Variants in ZDHHC13 observed in about 807,000 individuals in gnomAD.
The protein encoded by ZDHHC13 is palmitoyltransferase ZDHHC13.
In ZDHHC13, 85 loss-of-function variants were observed where a neutral mutation model predicts 86.0. The ratio of observed to expected loss-of-function variants is 0.99; its 90% CI spans 0.83 to 1.18. The LOEUF is 1.18. Among genes scored for constraint, ZDHHC13 ranks in the 50% most tolerant of loss-of-function variants. The pLI, the probability that ZDHHC13 is intolerant of heterozygous loss-of-function variation, is 0.00. For synonymous variants in ZDHHC13, 263 were observed against 246.4 expected (o/e 1.07, Z -0.63); for missense variants, 711 against 730.2 (o/e 0.97, Z 0.30).
chr11:19,158,152 A>G (rs1242039598), intron 9 of ZDHHC13, among the ~76,000 whole-genome samples: 2 of 152,096 alleles, frequency 1.3e-5, no homozygotes, highest in African/African-American at 2.4e-5. Flanking sequence ...TGAACTTACC[A>G]TTATTATGGT....
chr11:19,157,259 C>T (rs772429347), intron 9 of ZDHHC13, among the ~76,000 whole-genome samples: 3 of 152,184 alleles, frequency 2.0e-5, no homozygotes, highest in Non-Finnish European at 2.9e-5. Flanking sequence ...TGCTGTTAAA[C>T]ATTTTCATTC....
At chr11:19,175,389 CAAAAAAAA>C (rs58806796) in intron 16 of ZDHHC13, among the ~76,000 whole-genome samples, 19 of 56,376 alleles carry the variant, frequency 3.4e-4, no homozygotes, top group South Asian at 1.2e-3. Context: ...GACTCCGTCT[CAAAAAAAA>C]AAAAAAAAAA....
At chr11:19,159,832 T>A (rs955868090) in intron 10 of ZDHHC13, among the ~76,000 whole-genome samples, 1 of 151,916 alleles carries the variant, frequency 6.6e-6, no homozygotes, top group African/African-American at 2.4e-5. Context: ...TCTAACCATT[T>A]GTGACTTCAG....
rs181511948 is a variant in ZDHHC13, at chr11:19,170,621, G to A, written c.1632+53G>A. 147 of 1,445,184 alleles carry A rather than the reference G, an allele frequency of 1.0e-4. No homozygotes were observed. The African/African-American group carries it at 1.6e-3, about 16-fold the overall frequency. 89.5% of individuals were successfully genotyped at this position (1,445,184 alleles called of 1,614,324 possible). A position where few individuals can be genotyped will look rare whatever the true frequency, so the allele number is the denominator to read the frequency against. Reference sequence around the variant, plus strand: ...TTGAGTAAAATTTCTAAAACTTGTAGTGAGACAGCCTTGAATTTAAAATCA... The same window carrying A: ...TTGAGTAAAATTTCTAAAACTTGTAATGAGACAGCCTTGAATTTAAAATCA... On this transcript the variant is annotated intron_variant, in intron 15 of 16. Coordinates refer to ENST00000446113, the MANE Select transcript of ZDHHC13 (RefSeq NM_019028.3).
At chr11:19,166,276 G>C in intron 13 of ZDHHC13, 26 bp from the exon 14 acceptor site, 1 of 1,574,970 alleles carries the variant, frequency 6.3e-7, no homozygotes, top group Non-Finnish European at 8.6e-7. Context: ...AAAATATTAA[G>C]TATGTTTTTT....
chr11:19,152,549 C>G lies in ZDHHC13; in HGVS notation c.748-10C>G, dbSNP rs1427131830. 6.3e-7 allele frequency: 1 copy of G among 1,591,870 alleles called. No homozygotes were observed. The highest frequency in any genetic ancestry group is 2.2e-5 in the East Asian group (1 of 44,628). The stretch of plus-strand genomic sequence containing the variant: ...ATACTTTTAAACTTTTTACCCTACT[C>G]TTTTTTAAGGGAGAAACACCTCTTG... On this transcript the variant is annotated splice_polypyrimidine_tract_variant and intron_variant, in intron 7 of 16. Coordinates refer to ENST00000446113, the MANE Select transcript of ZDHHC13 (RefSeq NM_019028.3).
intron 2 of ZDHHC13, 56 bp downstream of exon 2, chr11:19,143,179 A>G (rs1849371086): frequency 3.9e-6 from 6 of 1,539,298 alleles, no homozygotes; most frequent in Non-Finnish European, 4.4e-6. Flanking sequence ...TAATAGTAAT[A>G]TATGTGTAGT....
At position 19,159,027 on chromosome 11, in the gene ZDHHC13, C is replaced by A; in HGVS notation, c.1095C>A (p.Ile365=). ...TTTGGATATTTATGACTTGGTTCAT[C>A]TTATTTTTTCCTGATATCCTTTAAG... ...SVFWIFMTWF[I]LFFPDLAGAP... The change falls in exon 10 of 17, where the codon ATC becomes ATA. Residue 365 remains isoleucine (I), a synonymous_variant. Coordinates refer to ENST00000446113, the MANE Select transcript of ZDHHC13 (RefSeq NM_019028.3). The A allele has an allele frequency of 6.5e-7, 1 of 1,546,160 alleles. No homozygotes were observed. The highest frequency in any genetic ancestry group is 8.7e-7 in the Non-Finnish European group (1 of 1,144,582).
At chr11:19,145,579 A>C (rs114670251) in intron 2 of ZDHHC13, among the ~76,000 whole-genome samples, 243 of 152,334 alleles carry the variant, frequency 1.6e-3, no homozygotes, top group African/African-American at 5.5e-3. Flanking sequence ...ATGCTTTAGC[A>C]ATGTTAAATT....
In ZDHHC13 at chr11:19,152,246, G is replaced by A; in HGVS notation, c.673G>A (p.Val225Ile). The A allele has an allele frequency of 1.2e-6, 2 of 1,613,424 alleles. No individual in the cohort carries two copies. The highest frequency in any genetic ancestry group is 1.7e-6 in the Non-Finnish European group (2 of 1,179,530). Reference sequence around the variant, plus strand: ...CCAAAACACTCCACTTCACTGGGCAGTTGCAGCAGGAAATGTTAATGCAGT... The same window carrying A: ...CCAAAACACTCCACTTCACTGGGCAATTGCAGCAGGAAATGTTAATGCAGT... ...IHQNTPLHWAVAAGNVNAVDK... is the reference protein window; with the variant it reads ...IHQNTPLHWAIAAGNVNAVDK... Residue 225 changes from valine (V) to isoleucine (I), a missense_variant, in exon 7 of 17, where the codon GTT becomes ATT. By Grantham distance (29) the Val-to-Ile change is conservative. Transcript: ENST00000446113.
chr11:19,147,729 T>C (rs1849502542), intron 4 of ZDHHC13, 56 bp downstream of exon 4: 3 of 1,335,792 alleles, frequency 2.2e-6, no homozygotes, highest in Middle Eastern at 3.7e-4. Context: ...GTGGTCACCA[T>C]ATAAAAAATC....
rs748554255 is a variant in ZDHHC13 at position 19,164,284 on chromosome 11, A to T, written c.1234-17A>T. ...TCCAATAAAATGTGGTAATAGGTCAAACTTCATGTCTTTCAGAATATCATC... is the reference window on the plus strand; with the variant it reads ...TCCAATAAAATGTGGTAATAGGTCATACTTCATGTCTTTCAGAATATCATC... On this transcript the variant is annotated splice_polypyrimidine_tract_variant and intron_variant, in intron 11 of 16. Transcript: ENST00000446113. 1.2e-6 allele frequency: 2 copies of T among 1,612,508 alleles called. No homozygotes were observed. Among genetic ancestry groups the T allele is most frequent in the Admixed American group, 3.3e-5 (2 of 59,882 alleles).
chr11:19,133,140 T>G (rs1849038838), intron 1 of ZDHHC13, among the ~76,000 whole-genome samples: 1 of 152,082 alleles, frequency 6.6e-6, no homozygotes, highest in Admixed American at 6.5e-5. Context: ...GAAATACAAA[T>G]TATTATCACT....
chr11:19,164,415 CGTT>C, intron 12 of ZDHHC13, 52 bp downstream of exon 12: 1 of 1,541,984 alleles, frequency 6.5e-7, no homozygotes, highest in South Asian at 1.1e-5. Context: ...GTCTTGGTAA[CGTT>C]GCTGATGTAA....
chr11:19,166,352 G>C lies in ZDHHC13; in HGVS notation c.1441G>C (p.Val481Leu), dbSNP rs757878716. 1.9e-6 allele frequency: 3 copies of C among 1,612,302 alleles called. No individual in the cohort carries two copies. In the East Asian group the frequency reaches 6.7e-5, roughly 36 times the overall value. ...ATTCTTCTTGTTTTTCCTTTCCATG[G>C]TATGTGGCTGGATTATATATGGATC... The part of the protein sequence containing the change: ...YIFFLFFLSM[V>L]CGWIIYGSFI... Residue 481 changes from valine (V) to leucine (L), a missense_variant, in exon 14 of 17, where the codon GTA becomes CTA. By Grantham distance (32) the Val-to-Leu change is conservative. Coordinates refer to ENST00000446113, the MANE Select transcript of ZDHHC13 (RefSeq NM_019028.3).
intron 1 of ZDHHC13, among the ~76,000 whole-genome samples, chr11:19,127,575 A>G (rs1339016312): frequency 1.3e-5 from 2 of 151,838 alleles, no homozygotes; most frequent in African/African-American, 2.4e-5. Context: ...GGGTTTTTAT[A>G]GTTTTGGATT....
intron 1 of ZDHHC13, among the ~76,000 whole-genome samples, chr11:19,121,035 T>G (rs896764303): frequency 6.6e-6 from 1 of 152,236 alleles, no homozygotes; most frequent in Non-Finnish European, 1.5e-5. Flanking sequence ...TGCATTTCTC[T>G]TAAGTAGAGA....
chr11:19,131,050 G>A (rs908659565), intron 1 of ZDHHC13, among the ~76,000 whole-genome samples: 4 of 150,782 alleles, frequency 2.7e-5, no homozygotes, highest in African/African-American at 7.3e-5. Flanking sequence ...ATGGAGTCTC[G>A]CTTTCTCACC....
chr11:19,121,816 A>G (rs1469636044), intron 1 of ZDHHC13, among the ~76,000 whole-genome samples: 2 of 152,160 alleles, frequency 1.3e-5, no homozygotes, highest in Admixed American at 6.6e-5. Context: ...GGGTGTATTG[A>G]TATGTCCCTT....
Sources: gnomAD v4.1 joint callset for allele counts (sites outside exome capture counted in the v4.1 genomes callset) on GRCh38, gnomAD v4.1.1 for gene constraint, MANE v1.5 for transcripts, NCBI Gene and HGNC (gene_info 2026-07-23, HGNC 2026-07-21) for gene names.